Variants in AKAP7 observed in about 807,000 individuals in gnomAD.
AKAP7 encodes A kinase (PRKA) anchor protein 7.
Under a neutral mutation model 39.5 loss-of-function variants are expected in AKAP7, and 39 were observed. That is an observed-to-expected ratio of 0.99 (90% CI 0.76 to 1.29). The LOEUF is 1.29. Among genes scored for constraint, AKAP7 ranks in the 50% most tolerant of loss-of-function variants. AKAP7 has a pLI of 0.00. For missense variants in AKAP7, 414 were observed against 407.7 expected (o/e 1.02, Z -0.13); for synonymous variants, 140 against 139.1 (o/e 1.01, Z -0.05).
chr6:131,274,340 G>A (rs1276857020), intron 7 of AKAP7, among the ~76,000 whole-genome samples: 4 of 152,058 alleles, frequency 2.6e-5, no homozygotes, highest in African/African-American at 7.2e-5. Flanking sequence ...TTCTGCATTC[G>A]TTTTCTGCAC....
intron 7 of AKAP7, among the ~76,000 whole-genome samples, chr6:131,276,395 G>A (rs1050869846): frequency 6.6e-6 from 1 of 152,060 alleles, no homozygotes; most frequent in African/African-American, 2.4e-5. Flanking sequence ...CAGTTTAAAT[G>A]TGCACTTGAG....
chr6:131,204,515 G>A (rs1009632842), intron 6 of AKAP7, among the ~76,000 whole-genome samples: 3 of 152,226 alleles, frequency 2.0e-5, no homozygotes, highest in Non-Finnish European at 2.9e-5. Context: ...GAGGTAAAAA[G>A]TGGCTTCCCA....
At chr6:131,208,916 A>G (rs1431802343) in intron 6 of AKAP7, among the ~76,000 whole-genome samples, 1 of 152,230 alleles carries the variant, frequency 6.6e-6, no homozygotes. Context: ...AGTGACACAC[A>G]TCATTTCTGA....
chr6:131,176,789 C>T (rs1010447079), intron 5 of AKAP7, among the ~76,000 whole-genome samples: 1 of 152,104 alleles, frequency 6.6e-6, no homozygotes, highest in Non-Finnish European at 1.5e-5. Flanking sequence ...TGCTCTATTA[C>T]TACATGAAGT....
chr6:131,264,637 A>G (rs1443759101), intron 7 of AKAP7, among the ~76,000 whole-genome samples: 1 of 152,224 alleles, frequency 6.6e-6, no homozygotes, highest in Non-Finnish European at 1.5e-5. Flanking sequence ...CATTTAAATC[A>G]AATGGTGATA....
At chr6:131,264,552 A>T (rs1188584126) in intron 7 of AKAP7, among the ~76,000 whole-genome samples, 1 of 152,182 alleles carries the variant, frequency 6.6e-6, no homozygotes, top group Non-Finnish European at 1.5e-5. Flanking sequence ...TTGCTTACAG[A>T]AGTGTTTATC....
chr6:131,273,942 T>TTTC lies in AKAP7; in HGVS notation c.851-7586_851-7585insCTT, dbSNP rs556450772. 2.2e-3 allele frequency among the ~76,000 whole-genome samples: 300 copies of TTTC among 139,120 alleles called. 1 individual carries two copies. Among genetic ancestry groups the TTTC allele is most frequent in the African/African-American group, 7.5e-3 (288 of 38,568 alleles). The allele number at this position is 139,120 out of a possible 152,430, so 91.3% of individuals were successfully genotyped here. ...TAAAGAATTCTGTGTTGCCTTTTCTTTTTTTTTTTTTTTTTGAGATGGAGT... is the reference window on the plus strand; with the variant it reads ...TAAAGAATTCTGTGTTGCCTTTTCTTTTCTTTTTTTTTTTTTTTGAGATGGAGT... On this transcript the variant is annotated intron_variant, in intron 7 of 7. Transcript: ENST00000431975.
intron 7 of AKAP7, among the ~76,000 whole-genome samples, chr6:131,273,248 G>A (rs1328529583): frequency 6.6e-6 from 1 of 151,912 alleles, no homozygotes; most frequent in Non-Finnish European, 1.5e-5. Context: ...ACACATCATA[G>A]TTGATTCTGA....
chr6:131,249,860 T>C (rs1377033409), intron 7 of AKAP7, among the ~76,000 whole-genome samples: 1 of 152,172 alleles, frequency 6.6e-6, no homozygotes, highest in Non-Finnish European at 1.5e-5. Context: ...TTAATATTAT[T>C]GATTACTGCT....
chr6:131,155,107 G>A (rs1017586282), intron 2 of AKAP7, among the ~76,000 whole-genome samples: 4 of 151,730 alleles, frequency 2.6e-5, no homozygotes, highest in Admixed American at 6.6e-5. Context: ...CCGTAACCTC[G>A]AACTCCTGGG....
At chr6:131,213,920 G>T (rs1245478158) in intron 6 of AKAP7, among the ~76,000 whole-genome samples, 1 of 152,146 alleles carries the variant, frequency 6.6e-6, no homozygotes, top group Non-Finnish European at 1.5e-5. Context: ...CTTCTTGGGT[G>T]CCAGTGACCT....
intron 5 of AKAP7, among the ~76,000 whole-genome samples, chr6:131,199,034 G>A (rs1403727373): frequency 6.6e-6 from 1 of 152,178 alleles, no homozygotes; most frequent in Non-Finnish European, 1.5e-5. Context: ...GGCTTACCTT[G>A]TTCGTTTCTC....
rs572125201 is a variant in AKAP7 at position 131,209,407 on chromosome 6, T to C, written c.702+9834T>C. ...CTGGGACTACAGGTGCCCGCCACCA[T>C]GCCCGGCTAATTTTTTGTATTTTTA... On this transcript the variant is annotated intron_variant, in intron 6 of 7. Transcript: ENST00000431975. Among the ~76,000 whole-genome samples the C allele has an allele frequency of 1.4e-4, 21 of 152,156 alleles. No individual in the cohort carries two copies. The East Asian group carries it at 3.9e-3, about 28-fold the overall frequency.
chr6:131,156,689 C>T (rs1802446157), intron 2 of AKAP7, among the ~76,000 whole-genome samples: 1 of 151,926 alleles, frequency 6.6e-6, no homozygotes, highest in Non-Finnish European at 1.5e-5. Flanking sequence ...GGCAGCTTTT[C>T]ATTTTCCATA....
intron 7 of AKAP7, among the ~76,000 whole-genome samples, chr6:131,265,042 G>C (rs1813666533): frequency 6.6e-6 from 1 of 152,182 alleles, no homozygotes; most frequent in African/African-American, 2.4e-5. Flanking sequence ...TCCAATATGA[G>C]ATTTTGAGGG....
intron 7 of AKAP7, among the ~76,000 whole-genome samples, chr6:131,258,417 G>A (rs1482390160): frequency 6.6e-6 from 1 of 152,130 alleles, no homozygotes; most frequent in Non-Finnish European, 1.5e-5. Flanking sequence ...TGCCCAGGGA[G>A]TTCCATAGCT....
intron 6 of AKAP7, among the ~76,000 whole-genome samples, chr6:131,207,503 T>TC (rs1273318119): frequency 4.3e-5 from 6 of 140,220 alleles, no homozygotes; most frequent in African/African-American, 1.6e-4. Flanking sequence ...TTTTTTTTTT[T>TC]TTTTTTTTTT....
chr6:131,280,278 T>G (rs1815097931), intron 7 of AKAP7, among the ~76,000 whole-genome samples: 1 of 152,174 alleles, frequency 6.6e-6, no homozygotes, highest in African/African-American at 2.4e-5. Context: ...TTAGTGTTTC[T>G]AGATGGGTCT....
chr6:131,134,770 C>T (rs1291111235), upstream of AKAP7, among the ~76,000 whole-genome samples: 1 of 152,194 alleles, frequency 6.6e-6, no homozygotes, highest in Non-Finnish European at 1.5e-5. Context: ...CCCTATTCTA[C>T]GATGCATTCA....
Sources: allele counts gnomAD v4.1 joint callset (sites outside exome capture counted in the v4.1 genomes callset), GRCh38; gene constraint gnomAD v4.1.1; transcripts MANE v1.5; gene names NCBI Gene and HGNC (gene_info 2026-07-23, HGNC 2026-07-21).